SBF1: variants seen among roughly 807,000 people sequenced by gnomAD.
SBF1 encodes the protein myotubularin-related protein 5.
In SBF1, 65 loss-of-function variants were observed where a neutral mutation model predicts 215.8. That is an observed-to-expected ratio of 0.30 (90% CI 0.25 to 0.37). The LOEUF (loss-of-function observed/expected upper bound fraction) is 0.37. SBF1 is among the 10% of genes least tolerant of loss of function. SBF1 has a pLI of 1.00. For missense variants in SBF1, 2,634 were observed against 2,667.8 expected (o/e 0.99, Z 0.28); for synonymous variants, 1,410 against 1,122.8 (o/e 1.26, Z -5.11).
In SBF1 at chr22:50,455,199, C is replaced by A. The variant is rs772819316; in HGVS notation, c.4554+25G>T. The stretch of plus-strand genomic sequence containing the variant: ...CAGCGGTCAGGGTGCACAGTCCCGG[C>A]CCACCCACACAGCGGCCTGCCCACC... On this transcript the variant is annotated intron_variant, in intron 33 of 40. Transcript: ENST00000380817. The A allele has an allele frequency of 3.6e-5, 58 of 1,612,348 alleles. 2 individuals are homozygous for A. Among genetic ancestry groups the A allele is most frequent in the African/African-American group, 2.9e-4 (22 of 74,912 alleles).
At chr22:50,454,463 CGA>C in intron 36 of SBF1, 47 bp downstream of exon 36, 1 of 1,502,864 alleles carries the variant, frequency 6.7e-7, no homozygotes, top group South Asian at 1.1e-5. Flanking sequence ...GGTGTCTGAG[CGA>C]GAGGAGGGGG....
intron 36 of SBF1, among the ~76,000 whole-genome samples, chr22:50,453,392 T>C (rs2067123495): frequency 6.6e-6 from 1 of 152,176 alleles, no homozygotes; most frequent in South Asian, 2.1e-4. Flanking sequence ...TGCCCCATGC[T>C]AAGTCACTGA....
rs1406571022 is a variant in SBF1 at position 50,464,461 on chromosome 22, A to G, written c.1637-20T>C. ...TGGCAGCTGCGGGGACAGAATACAC[A>G]CACTCGGACCCCTGACCCCACGCCC... On this transcript the variant is annotated intron_variant, in intron 14 of 40. Transcript: ENST00000380817. 1 of 1,608,848 alleles carries G rather than the reference A, an allele frequency of 6.2e-7. No individual in the cohort carries two copies. The highest frequency in any genetic ancestry group is 1.3e-5 in the African/African-American group (1 of 74,896).
chr22:50,473,453 TC>T lies in SBF1; in HGVS notation c.55+1332del, dbSNP rs377195461. ...CACAGTGGGGATGAGGACTATGTGGTCCTAGCAAGCGAGAACTCCCTCTCTA... is the reference window on the plus strand; with the variant it reads ...CACAGTGGGGATGAGGACTATGTGGTCTAGCAAGCGAGAACTCCCTCTCTA... On this transcript the variant is annotated intron_variant, in intron 1 of 40. Transcript: ENST00000380817. 2.6e-4 allele frequency among the ~76,000 whole-genome samples: 40 copies of T among 152,166 alleles called. No homozygotes were observed. The East Asian group carries it at 7.7e-3, about 29-fold the overall frequency.
rs1467895199 is a variant in SBF1, at chr22:50,446,722, G to A, written c.*420C>T. 23 of 434,110 alleles carry A rather than the reference G, an allele frequency of 5.3e-5. No individual in the cohort carries two copies. The highest frequency in any genetic ancestry group is 3.5e-4 in the South Asian group (20 of 57,306). 26.9% of individuals were successfully genotyped at this position (434,110 alleles called of 1,614,324 possible). On this transcript the variant is annotated 3_prime_UTR_variant, in exon 41 of 41. Coordinates refer to ENST00000380817, the MANE Select transcript of SBF1 (RefSeq NM_002972.4). ...GAGAAAGATGCCAACCTCCCGCCAG[G>A]TGGGCCTGGATAGGGGCAGATGGGA...
At position 50,467,852 on chromosome 22, in the gene SBF1, G is replaced by C; in HGVS notation, c.213C>G (p.Thr71=). 6.2e-7 allele frequency: 1 copy of C among 1,613,960 alleles called. No homozygotes were observed. The highest frequency in any genetic ancestry group is 8.5e-7 in the Non-Finnish European group (1 of 1,179,966). ...AGTAGTGGCGCTCGGAGTTGATGTC[G>C]GTGAGGACAGCAACAAAGAAGGTCG... ...NPPTFFVAVL[T]DINSERHYCA... Residue 71 remains threonine (T), a synonymous_variant, in exon 3 of 41, where the codon ACC becomes ACG. Coordinates refer to ENST00000380817, the MANE Select transcript of SBF1 (RefSeq NM_002972.4).
chr22:50,467,781 C>A lies in SBF1; in HGVS notation c.279+5G>T. ...TCATGCTGTACCCAGAGGCCCCAAG[C>A]TGACCTGTGAAGGCTCCGCTGGCTC... On this transcript the variant is annotated splice_donor_5th_base_variant and intron_variant, in intron 3 of 40. Coordinates refer to ENST00000380817, the MANE Select transcript of SBF1 (RefSeq NM_002972.4). The A allele has an allele frequency of 6.2e-7, 1 of 1,613,812 alleles. No individual in the cohort carries two copies. The highest frequency in any genetic ancestry group is 1.1e-5 in the South Asian group (1 of 91,062).
rs2067247357 is a variant in SBF1 at position 50,456,389 on chromosome 22, G to A, written c.4093C>T (p.Arg1365Trp). Residue 1365 changes from arginine to tryptophan, a missense_variant, in exon 31 of 41, where the codon CGG (arginine) becomes TGG (tryptophan). Arg to Trp is a moderately radical substitution (Grantham distance 101). Coordinates refer to ENST00000380817, the MANE Select transcript of SBF1 (RefSeq NM_002972.4). Reference protein sequence around the residue: ...LGDKAQLKGVRSDPLQQWELV... With the variant: ...LGDKAQLKGVWSDPLQQWELV... ...TCCCACTGCTGCAGGGGGTCTGACC[G>A]CACACCCTGAAAAGAATCCGGACAA... 2.5e-6 allele frequency: 4 copies of A among 1,612,124 alleles called. No homozygotes were observed. The highest frequency in any genetic ancestry group is 1.1e-5 in the South Asian group (1 of 91,034).
Position 50,465,948 on chromosome 22 carries a change from T to C in SBF1, c.1011+13A>G, listed in dbSNP as rs574092462. The C allele has an allele frequency of 3.7e-6, 6 of 1,613,126 alleles. No homozygotes were observed. The highest frequency in any genetic ancestry group is 3.3e-5 in the Admixed American group (2 of 60,026). On this transcript the variant is annotated intron_variant, in intron 9 of 40. Coordinates refer to ENST00000380817, the MANE Select transcript of SBF1 (RefSeq NM_002972.4). The stretch of plus-strand genomic sequence containing the variant: ...GGCCCCCAAGGCTCCCGCTTGCCCA[T>C]GGTGCCCCTCACCATGCTCAGCACA...
At position 50,465,217 on chromosome 22, in the gene SBF1, T is replaced by C; in HGVS notation, c.1201A>G (p.Lys401Glu). The C allele has an allele frequency of 6.2e-7, 1 of 1,612,596 alleles. No individual in the cohort carries two copies. Among genetic ancestry groups the C allele is most frequent in the Non-Finnish European group, 8.5e-7 (1 of 1,179,448 alleles). ...IHPEPVIRFH[K>E]AAFLGQRGLV... ...CGCCCAGCCACCAGGCACCCCACCT[T>C]ATGGAAGCGGATGACAGGCTCCGGG... The change falls in exon 11 of 41, where the codon AAG becomes GAG. Residue 401 changes from lysine (K) to glutamate (E), a missense_variant and splice_region_variant. Physicochemically the swap from Lys to Glu is moderately conservative, Grantham distance 56. Coordinates refer to ENST00000380817, the MANE Select transcript of SBF1 (RefSeq NM_002972.4).
chr22:50,462,460 G>A lies in SBF1; in HGVS notation c.2141C>T (p.Ala714Val). 6.2e-7 allele frequency: 1 copy of A among 1,613,644 alleles called. No individual in the cohort carries two copies. The highest frequency in any genetic ancestry group is 8.5e-7 in the Non-Finnish European group (1 of 1,179,934). ...DLAPAQEVGE[A>V]PSQEDERSAL... ...AGAGCGCTCGTCCTCCTGGGAAGGT[G>A]CCTCCCCAACCTCCTGCCACGGCAC... is the stretch of plus-strand genomic sequence containing the variant. Residue 714 changes from alanine (A) to valine (V), a missense_variant, in exon 19 of 41, where the codon GCA (alanine) becomes GTA (valine). Transcript: ENST00000380817.
chr22:50,468,235 C>T (rs1029376334), intron 2 of SBF1, 141 bp downstream of exon 2: 3 of 797,668 alleles, frequency 3.8e-6, no homozygotes, highest in Non-Finnish European at 5.9e-6. Context: ...GTCAAACCCC[C>T]CGACAGAGGC....
At chr22:50,468,041 T>C in intron 2 of SBF1, 118 bp from the exon 3 acceptor site, 1 of 1,319,936 alleles carries the variant, frequency 7.6e-7, no homozygotes. Flanking sequence ...GGCAGCTCCT[T>C]GCTTGGAGAC....
chr22:50,456,002 C>T (rs574662677), intron 31 of SBF1: 2 of 597,808 alleles, frequency 3.3e-6, no homozygotes, highest in African/African-American at 1.9e-5. Context: ...TACCCATGCC[C>T]AAGCCCTGGC....
intron 36 of SBF1, among the ~76,000 whole-genome samples, chr22:50,452,908 AAC>A (rs1433849057): frequency 1.3e-5 from 2 of 152,078 alleles, no homozygotes; most frequent in Non-Finnish European, 2.9e-5. Flanking sequence ...CAACCCCTGA[AAC>A]ACAACACAGA....
intron 16 of SBF1, 149 bp downstream of exon 16, chr22:50,463,131 TCCA>T: frequency 8.5e-7 from 1 of 1,179,632 alleles, no homozygotes; most frequent in Non-Finnish European, 1.2e-6. Context: ...AATGGTTCTC[TCCA>T]CCCTGTTCCC....
rs769772538 is a variant in SBF1 at position 50,462,002 on chromosome 22, G to A, written c.2514C>T (p.Cys838=). ...GGTCGCTGGTGACCCCACTCTCCGT[G>A]CAGACCTTGTCCACAAAGCGGTTGA... ...RFINRFVDKV[C]TESGVTSDHL... is the part of the protein sequence containing the mutation. The change falls in exon 20 of 41, where the codon TGC becomes TGT. Residue 838 remains cysteine, a synonymous_variant. Transcript: ENST00000380817. 5.6e-6 allele frequency: 9 copies of A among 1,614,230 alleles called. No homozygotes were observed. Among genetic ancestry groups the A allele is most frequent in the Non-Finnish European group, 7.6e-6 (9 of 1,180,048 alleles).
At chr22:50,453,010 A>G (rs1482342328) in intron 36 of SBF1, among the ~76,000 whole-genome samples, 1 of 152,196 alleles carries the variant, frequency 6.6e-6, no homozygotes, top group African/African-American at 2.4e-5. Flanking sequence ...AATCAAAGGG[A>G]CAAAGAGAAA....
At chr22:50,449,996 A>G (rs539551091) in intron 36 of SBF1, among the ~76,000 whole-genome samples, 1 of 152,328 alleles carries the variant, frequency 6.6e-6, no homozygotes, top group South Asian at 2.1e-4. Context: ...CAGTGCAGGG[A>G]GGCAGGGCCA....
Sources: gnomAD v4.1 joint callset for allele counts (sites outside exome capture counted in the v4.1 genomes callset) on GRCh38, gnomAD v4.1.1 for gene constraint, MANE v1.5 for transcripts, NCBI Gene and HGNC (gene_info 2026-07-23, HGNC 2026-07-21) for gene names.